DLGAP2: variants seen among roughly 807,000 people sequenced by gnomAD.
DLGAP2 encodes the protein DLG associated protein 2.
DLGAP2 carries 26 observed loss-of-function variants against 100.3 expected under a neutral mutation model. The ratio of observed to expected loss-of-function variants is 0.26; its 90% CI spans 0.19 to 0.36. DLGAP2 has a LOEUF of 0.36. Among genes scored for constraint, DLGAP2 ranks in the 10% least tolerant of loss-of-function variants. The probability of loss-of-function intolerance (pLI) is 1.00; values close to 1 mark genes in which losing one functional copy is unlikely to be tolerated. For synonymous variants in DLGAP2, 886 were observed against 630.1 expected, an observed-to-expected ratio of 1.41 and a Z score of -6.08; for missense variants, 1,858 against 1,453.2, an observed-to-expected ratio of 1.28 and a Z score of -4.53.
intron 2 of DLGAP2, among the ~76,000 whole-genome samples, chr8:1,229,791 TGGGGAAAGCTTTAG>T (rs2116830960): frequency 6.6e-6 from 1 of 152,262 alleles, no homozygotes; most frequent in East Asian, 1.9e-4. Flanking sequence ...TGAGTACATT[TGGGGAAAGCTTTAG>T]ATAAAATCCA....
intron 2 of DLGAP2, chr8:927,084 C>T: frequency 1.0e-6 from 1 of 985,350 alleles, no homozygotes; most frequent in Non-Finnish European, 1.2e-6. Context: ...CGTGGGAGGG[C>T]CCCAGTGGCC....
At chr8:1,530,112 G>A (rs192039474) in intron 4 of DLGAP2, among the ~76,000 whole-genome samples, 29 of 152,174 alleles carry the variant, frequency 1.9e-4, no homozygotes, top group South Asian at 1.2e-3. Flanking sequence ...GAGATCAACC[G>A]GTCTGATCAA....
At chr8:1,173,342 A>C (rs1797173402) in intron 2 of DLGAP2, among the ~76,000 whole-genome samples, 1 of 152,212 alleles carries the variant, frequency 6.6e-6, no homozygotes, top group Admixed American at 6.5e-5. Context: ...TCAGAGACCC[A>C]CTTGAGGAGG....
intron 2 of DLGAP2, among the ~76,000 whole-genome samples, chr8:908,911 G>C (rs1367090604): frequency 6.6e-6 from 1 of 152,118 alleles, no homozygotes; most frequent in Non-Finnish European, 1.5e-5. Context: ...ACTCTTCTAT[G>C]GTAATTAGAA....
At chr8:1,286,540 G>A (rs897258330) in intron 3 of DLGAP2, among the ~76,000 whole-genome samples, 4 of 152,212 alleles carry the variant, frequency 2.6e-5, no homozygotes, top group African/African-American at 9.6e-5. Context: ...CGAGGCCTGT[G>A]TCTGGGATGC....
chr8:1,153,558 T>G (rs1796731898), intron 2 of DLGAP2, among the ~76,000 whole-genome samples: 1 of 152,222 alleles, frequency 6.6e-6, no homozygotes, highest in African/African-American at 2.4e-5. Context: ...TTAATTAACC[T>G]GTTTTTATCC....
chr8:762,655 A>G (rs553710743), intron 1 of DLGAP2, among the ~76,000 whole-genome samples: 50 of 152,174 alleles, frequency 3.3e-4, no homozygotes, highest in Non-Finnish European at 5.7e-4. Flanking sequence ...ATACATTTAA[A>G]GGAAGAAGGT....
chr8:978,671 T>TCTGGTCTTTGGTGAC, intron 2 of DLGAP2, among the ~76,000 whole-genome samples: 1 of 136,694 alleles, frequency 7.3e-6, no homozygotes, highest in African/African-American at 2.8e-5. Flanking sequence ...TCTTTGGTGT[T>TCTGGTCTTTGGTGAC]GTGGGGAGGG....
chr8:1,348,665 G>C (rs968468407), intron 3 of DLGAP2, among the ~76,000 whole-genome samples: 8 of 152,218 alleles, frequency 5.3e-5, no homozygotes, highest in Non-Finnish European at 8.8e-5. Context: ...CATGGTGGCT[G>C]TGTGGAGGTT....
At chr8:1,305,987 C>T (rs539997130) in intron 3 of DLGAP2, among the ~76,000 whole-genome samples, 1 of 149,458 alleles carries the variant, frequency 6.7e-6, no homozygotes, top group African/African-American at 2.5e-5. Flanking sequence ...ATTTTATATC[C>T]AGATATTTTG....
intron 3 of DLGAP2, among the ~76,000 whole-genome samples, chr8:1,316,083 A>C (rs1192895345): frequency 1.5e-5 from 2 of 135,560 alleles, no homozygotes; most frequent in African/African-American, 5.3e-5. Context: ...CGTCTCTCCC[A>C]CAGTGGTCTA....
intron 5 of DLGAP2, among the ~76,000 whole-genome samples, chr8:1,565,146 G>A (rs1027660252): frequency 3.3e-5 from 5 of 152,230 alleles, no homozygotes; most frequent in Admixed American, 2.6e-4. Flanking sequence ...ATGTCAGGTG[G>A]AATGTGATGT....
At chr8:1,069,309 G>A (rs1247252598) in intron 2 of DLGAP2, among the ~76,000 whole-genome samples, 4 of 152,124 alleles carry the variant, frequency 2.6e-5, no homozygotes, top group African/African-American at 7.2e-5. Context: ...GACAGGTCGC[G>A]AGGAGGCCGG....
intron 3 of DLGAP2, among the ~76,000 whole-genome samples, chr8:1,371,476 C>T (rs535778389): frequency 1.6e-4 from 25 of 152,254 alleles, no homozygotes; most frequent in African/African-American, 5.1e-4. Flanking sequence ...CTGCCCAGCG[C>T]GTTGCTGCCC....
intron 2 of DLGAP2, among the ~76,000 whole-genome samples, chr8:1,096,378 G>C (rs904747650): frequency 2.6e-5 from 4 of 152,258 alleles, no homozygotes; most frequent in Non-Finnish European, 5.9e-5. Context: ...TCATCATCAA[G>C]AGCTTTAGGG....
chr8:1,480,162 T>G (rs1268919817), intron 3 of DLGAP2, among the ~76,000 whole-genome samples: 1 of 152,172 alleles, frequency 6.6e-6, no homozygotes, highest in Non-Finnish European at 1.5e-5. Context: ...ACCACCACTG[T>G]ACCGAACATC....
At chr8:1,086,477 A>G (rs1034121619) in intron 2 of DLGAP2, among the ~76,000 whole-genome samples, 3 of 152,208 alleles carry the variant, frequency 2.0e-5, no homozygotes, top group East Asian at 1.9e-4. Context: ...CATAGAGTGA[A>G]TATGTGTATA....
In DLGAP2 at chr8:974,985, G is replaced by A. The variant is rs111742319; in HGVS notation, c.73+67019G>A. On this transcript the variant is annotated intron_variant, in intron 2 of 14. Coordinates refer to ENST00000637795, the MANE Select transcript of DLGAP2 (RefSeq NM_001346810.2). Reference sequence around the variant, plus strand: ...CTTTGAAAAGATCAAAACACTTGACGAACCTCTGACCAGGCTAATGAAGAA... The same window carrying A: ...CTTTGAAAAGATCAAAACACTTGACAAACCTCTGACCAGGCTAATGAAGAA... 9.5e-3 allele frequency among the ~76,000 whole-genome samples: 1,452 copies of A among 152,190 alleles called. 29 individuals carry two copies. The highest frequency in any genetic ancestry group is 0.033 in the African/African-American group (1,371 of 41,526).
chr8:989,577 T>A (rs1165675747), intron 2 of DLGAP2, among the ~76,000 whole-genome samples: 1 of 152,158 alleles, frequency 6.6e-6, no homozygotes, highest in Non-Finnish European at 1.5e-5. Context: ...GGACGAGCTC[T>A]TCCTGCCCTG....
Sources: gnomAD v4.1 joint callset for allele counts (sites outside exome capture counted in the v4.1 genomes callset) on GRCh38, gnomAD v4.1.1 for gene constraint, MANE v1.5 for transcripts, NCBI Gene and HGNC (gene_info 2026-07-23, HGNC 2026-07-21) for gene names.